Variants in UST observed in about 807,000 individuals in gnomAD.
The protein encoded by UST is chondroitin sulfate 2-O-sulfotransferase.
A neutral mutation model predicts 45.6 loss-of-function variants in UST; 21 were observed. That is an observed-to-expected ratio of 0.46 (90% confidence interval 0.33 to 0.66). The LOEUF (loss-of-function observed/expected upper bound fraction) is 0.66. Among genes scored for constraint, UST ranks in the 30% least tolerant of loss-of-function variants. The probability of loss-of-function intolerance (pLI) is 0.02; values close to 1 mark genes in which losing one functional copy is unlikely to be tolerated. For synonymous variants in UST, 215 were observed against 200.6 expected (o/e 1.07, Z -0.61); for missense variants, 463 against 512.4 (o/e 0.90, Z 0.93).
Position 148,956,873 on chromosome 6 carries a change from T to C in UST, c.527+2922T>C, listed in dbSNP as rs180772777. ...TTCTTCCATTAAAGTGTAACAGATG[T>C]AAGGAGAGGGTGGTCACAGGGCTTC... On this transcript the variant is annotated intron_variant, in intron 4 of 7. Transcript: ENST00000367463. Among the ~76,000 whole-genome samples the C allele has an allele frequency of 6.4e-3, 978 of 152,216 alleles. 13 individuals are homozygous for C. The highest frequency in any genetic ancestry group is 0.022 in the African/African-American group (917 of 41,532).
intron 4 of UST, among the ~76,000 whole-genome samples, chr6:148,960,499 G>T (rs1189893500): frequency 6.6e-6 from 1 of 152,204 alleles, no homozygotes. Flanking sequence ...CTGCTTCCAG[G>T]CCAGAGGCTA....
At chr6:148,911,264 C>G (rs1779469647) in intron 2 of UST, among the ~76,000 whole-genome samples, 1 of 152,214 alleles carries the variant, frequency 6.6e-6, no homozygotes, top group Non-Finnish European at 1.5e-5. Flanking sequence ...GGACCTCTCT[C>G]TGAGAGGTAG....
chr6:148,894,375 A>G (rs764366568), intron 2 of UST, among the ~76,000 whole-genome samples: 7 of 152,210 alleles, frequency 4.6e-5, no homozygotes, highest in Non-Finnish European at 8.8e-5. Context: ...ACAATGATTG[A>G]TGTCTGTATA....
At chr6:148,901,448 C>T (rs1779254807) in intron 2 of UST, among the ~76,000 whole-genome samples, 1 of 151,972 alleles carries the variant, frequency 6.6e-6, no homozygotes, top group Non-Finnish European at 1.5e-5. Context: ...GTGGCATTAC[C>T]GTCTCAACAC....
At chr6:148,914,216 G>T (rs990382188) in intron 2 of UST, among the ~76,000 whole-genome samples, 3 of 151,926 alleles carry the variant, frequency 2.0e-5, no homozygotes. Context: ...CTCTTTTTTT[G>T]CAATATTGTT....
intron 1 of UST, among the ~76,000 whole-genome samples, chr6:148,868,471 G>A (rs773437903): frequency 4.6e-5 from 7 of 151,870 alleles, no homozygotes; most frequent in African/African-American, 7.2e-5. Context: ...GACTCACTTC[G>A]TCTTTGAAAA....
intron 6 of UST, among the ~76,000 whole-genome samples, chr6:149,019,646 G>T (rs989800847): frequency 2.0e-4 from 31 of 152,186 alleles, no homozygotes; most frequent in African/African-American, 7.5e-4. Flanking sequence ...CCAACAACCT[G>T]CCCTCGTAGC....
At chr6:148,973,823 A>T (rs1780967157) in intron 5 of UST, among the ~76,000 whole-genome samples, 1 of 152,264 alleles carries the variant, frequency 6.6e-6, no homozygotes, top group Non-Finnish European at 1.5e-5. Context: ...AAGTAAGTGT[A>T]AAACATCTAA....
intron 7 of UST, among the ~76,000 whole-genome samples, chr6:149,040,927 A>G (rs898294705): frequency 6.6e-6 from 1 of 152,196 alleles, no homozygotes; most frequent in Non-Finnish European, 1.5e-5. Context: ...TCTTTGCCCC[A>G]GTGAATGGAT....
chr6:149,005,886 T>C (rs1775675860), intron 5 of UST, among the ~76,000 whole-genome samples: 1 of 152,114 alleles, frequency 6.6e-6, no homozygotes, highest in Admixed American at 6.5e-5. Context: ...AGGTTCACAC[T>C]AACACAATCA....
chr6:148,941,399 A>G lies in UST; in HGVS notation c.412A>G (p.Ile138Val). The G allele has an allele frequency of 1.2e-6, 2 of 1,600,174 alleles. No homozygotes were observed. The highest frequency in any genetic ancestry group is 2.3e-5 in the South Asian group (2 of 87,294). Residue 138 changes from isoleucine (I) to valine (V), a missense_variant, in exon 3 of 8, where the codon ATT (isoleucine) becomes GTT (valine). Physicochemically the swap from Ile to Val is conservative, Grantham distance 29 (BLOSUM62 3). This residue lies in a region of UST where 287 missense variants were observed against 374.2 expected (regional missense o/e 0.77). Transcript: ENST00000367463. Reference sequence around the variant, plus strand: ...CGGATTTAATTTGGTCACATCAGACATTCACAACAAAACCAGGCTTACTAA... The same window carrying G: ...CGGATTTAATTTGGTCACATCAGACGTTCACAACAAAACCAGGCTTACTAA... ...KHGFNLVTSD[I>V]HNKTRLTKNE...
intron 5 of UST, among the ~76,000 whole-genome samples, chr6:148,966,991 G>A (rs893880738): frequency 6.6e-6 from 1 of 152,186 alleles, no homozygotes; most frequent in Non-Finnish European, 1.5e-5. Flanking sequence ...ACCCACCTCA[G>A]CCTCCCAAAG....
intron 7 of UST, among the ~76,000 whole-genome samples, chr6:149,038,544 C>A (rs1776267687): frequency 6.6e-6 from 1 of 151,980 alleles, no homozygotes; most frequent in Non-Finnish European, 1.5e-5. Context: ...CTCTTCCAAC[C>A]CATCAATTCT....
chr6:148,786,128 C>G (rs1471801945), intron 1 of UST, among the ~76,000 whole-genome samples: 1 of 151,252 alleles, frequency 6.6e-6, no homozygotes, highest in East Asian at 1.9e-4. Context: ...ATATGATTCT[C>G]TTTTCATTAA....
chr6:148,929,178 A>G (rs1009455800), intron 2 of UST, among the ~76,000 whole-genome samples: 2 of 152,210 alleles, frequency 1.3e-5, no homozygotes, highest in East Asian at 1.9e-4. Flanking sequence ...TACTTACTCC[A>G]TATCCATTCT....
intron 5 of UST, among the ~76,000 whole-genome samples, chr6:148,970,782 G>A (rs942504112): frequency 7.9e-5 from 12 of 152,078 alleles, no homozygotes; most frequent in Non-Finnish European, 1.5e-4. Context: ...AGACACCAAC[G>A]GTGGGTTGAG....
intron 1 of UST, among the ~76,000 whole-genome samples, chr6:148,830,991 G>A (rs557137078): frequency 4.1e-5 from 6 of 145,424 alleles, no homozygotes; most frequent in African/African-American, 5.0e-5. Context: ...TTTCATCACC[G>A]TTGCTTGAAA....
Position 149,017,835 on chromosome 6 carries a change from C to CACAA in UST, c.682-1301_682-1300insAACA, listed in dbSNP as rs568676238. Among the ~76,000 whole-genome samples the CACAA allele has an allele frequency of 1.3e-4, 18 of 143,222 alleles. No individual in the cohort carries two copies. In the East Asian group the frequency reaches 3.0e-3, roughly 24 times the overall value. The allele number at this position is 143,222 out of a possible 152,430, so 94.0% of individuals were successfully genotyped here. A position where few individuals can be genotyped will look rare whatever the true frequency, so the allele number is the denominator to read the frequency against. On this transcript the variant is annotated intron_variant, in intron 5 of 7. Coordinates refer to ENST00000367463, the MANE Select transcript of UST (RefSeq NM_005715.3). ...ACACACACACACACACACACACACA[C>CACAA]ACATCTGTCAGTGTCAAACTCTTCT...
At chr6:148,797,473 A>AT (rs1776974747) in intron 1 of UST, among the ~76,000 whole-genome samples, 1 of 152,254 alleles carries the variant, frequency 6.6e-6, no homozygotes, top group South Asian at 2.1e-4. Context: ...TTATTGATTT[A>AT]TTCAGCAAGC....
Sources: allele counts gnomAD v4.1 joint callset (sites outside exome capture counted in the v4.1 genomes callset), GRCh38; gene constraint gnomAD v4.1.1; regional missense constraint gnomAD v4.1.1; transcripts MANE v1.5; gene names NCBI Gene and HGNC (gene_info 2026-07-23, HGNC 2026-07-21).